NDST3: variants seen among roughly 807,000 people sequenced by gnomAD.
NDST3 encodes the protein N-deacetylase and N-sulfotransferase 3.
A neutral mutation model predicts 96.1 loss-of-function variants in NDST3; 58 were observed. The observed-to-expected ratio is 0.60, with a 90% CI of 0.49 to 0.75. The LOEUF (loss-of-function observed/expected upper bound fraction) is 0.75, where lower values mean the gene tolerates loss of function less well. NDST3 is among the 30% of genes least tolerant of loss of function. The pLI is 0.00. For synonymous variants in NDST3, 333 were observed against 359.7 expected, an observed-to-expected ratio of 0.93 and a Z score of 0.84; for missense variants, 788 against 1,034.2, an observed-to-expected ratio of 0.76 and a Z score of 3.27.
chr4:118,074,290 C>T (rs1471516102), intron 2 of NDST3, among the ~76,000 whole-genome samples: 1 of 151,984 alleles, frequency 6.6e-6, no homozygotes, highest in African/African-American at 2.4e-5. Context: ...CTATTAGGTC[C>T]ATTTGGTCAA....
At position 118,188,382 on chromosome 4, in the gene NDST3, A is replaced by C. The variant is rs562923119; in HGVS notation, c.1540-36109A>C. Among the ~76,000 whole-genome samples, 4 of 150,830 alleles carry C rather than the reference A, an allele frequency of 2.7e-5. No individual in the cohort carries two copies. In the South Asian group the frequency reaches 8.3e-4, roughly 31 times the overall value. ...TTCCATGATGAATCATGGATTGTAC[A>C]GCTTTTAATAATGAAAACTTTAAAG... On this transcript the variant is annotated intron_variant, in intron 6 of 13. Transcript: ENST00000296499.
At chr4:118,081,060 T>C (rs759238027) in intron 2 of NDST3, among the ~76,000 whole-genome samples, 51 of 152,214 alleles carry the variant, frequency 3.4e-4, no homozygotes, top group Admixed American at 5.2e-4. Context: ...CAGAACAATT[T>C]ACTTACGCAT....
intron 4 of NDST3, among the ~76,000 whole-genome samples, chr4:118,129,457 C>G (rs183052125): frequency 6.6e-6 from 1 of 151,930 alleles, no homozygotes; most frequent in East Asian, 1.9e-4. Flanking sequence ...ACTGATCATT[C>G]AAGAGCATAT....
chr4:118,057,977 A>G (rs1441290994), intron 2 of NDST3, among the ~76,000 whole-genome samples: 3 of 152,110 alleles, frequency 2.0e-5, no homozygotes, highest in Non-Finnish European at 4.4e-5. Flanking sequence ...ACTAAATCAG[A>G]TAAGGAAGAA....
At chr4:118,058,879 G>A (rs371068785) in intron 2 of NDST3, among the ~76,000 whole-genome samples, 5 of 152,098 alleles carry the variant, frequency 3.3e-5, no homozygotes, top group South Asian at 4.2e-4. Context: ...TCTTTTAGGC[G>A]CATTAACTCA....
intron 3 of NDST3, among the ~76,000 whole-genome samples, chr4:118,111,535 ATTTTTTT>A (rs149834516): frequency 7.6e-6 from 1 of 132,436 alleles, no homozygotes; most frequent in Non-Finnish European, 1.6e-5. Context: ...TTTAATCATG[ATTTTTTT>A]TTTTTTTTTT....
At chr4:118,082,409 A>G (rs1728097269) in intron 2 of NDST3, among the ~76,000 whole-genome samples, 1 of 152,180 alleles carries the variant, frequency 6.6e-6, no homozygotes, top group Middle Eastern at 3.2e-3. Context: ...GAGTAGCAGC[A>G]TGTACTCCAA....
chr4:118,137,633 C>G (rs1733218798), intron 4 of NDST3, among the ~76,000 whole-genome samples: 1 of 152,156 alleles, frequency 6.6e-6, no homozygotes, highest in East Asian at 1.9e-4. Context: ...TTAACAGCAG[C>G]CTAATGAACT....
intron 6 of NDST3, among the ~76,000 whole-genome samples, chr4:118,166,734 T>A (rs1170046175): frequency 6.6e-6 from 1 of 152,018 alleles, no homozygotes; most frequent in East Asian, 1.9e-4. Context: ...GATGCAAGGA[T>A]GTTTCCACAT....
chr4:118,159,631 A>T (rs1271570765), intron 6 of NDST3, among the ~76,000 whole-genome samples: 1 of 152,248 alleles, frequency 6.6e-6, no homozygotes, highest in South Asian at 2.1e-4. Context: ...CCTGACGAGA[A>T]TTCAAAATAA....
intron 6 of NDST3, among the ~76,000 whole-genome samples, chr4:118,152,327 G>A (rs1734453112): frequency 6.6e-6 from 1 of 152,128 alleles, no homozygotes; most frequent in South Asian, 2.1e-4. Flanking sequence ...CTCAGGTAAT[G>A]GGACTCCAGA....
chr4:118,099,355 CTA>C lies in NDST3; in HGVS notation c.982-5662_982-5661del, dbSNP rs1399505671. On this transcript the variant is annotated intron_variant, in intron 2 of 13. Transcript: ENST00000296499. ...AATTTAACAAGAGCGAAGATAATCTCTAAGACTCCTCACTGTACTTAGCAAAT... is the reference window on the plus strand; with the variant it reads ...AATTTAACAAGAGCGAAGATAATCTCAGACTCCTCACTGTACTTAGCAAAT... Among the ~76,000 whole-genome samples, 7 of 152,210 alleles carry C rather than the reference CTA, an allele frequency of 4.6e-5. No individual in the cohort carries two copies. The South Asian group carries it at 1.5e-3, about 32-fold the overall frequency.
At chr4:118,230,575 A>C (rs78892756) in intron 8 of NDST3, among the ~76,000 whole-genome samples, 1 of 139,476 alleles carries the variant, frequency 7.2e-6, no homozygotes, top group African/African-American at 2.6e-5. Context: ...ACTCCGTTTC[A>C]AAAAAAAAAA....
At chr4:118,148,284 C>A (rs928173752) in intron 6 of NDST3, among the ~76,000 whole-genome samples, 5 of 152,044 alleles carry the variant, frequency 3.3e-5, no homozygotes, top group African/African-American at 1.2e-4. Context: ...GGCGACAGAG[C>A]GAGACTCTGT....
Position 118,242,043 on chromosome 4 carries a change from C to A in NDST3, c.2293C>A (p.Leu765Ile). The A allele has an allele frequency of 6.3e-7, 1 of 1,596,204 alleles. No homozygotes were observed. The highest frequency in any genetic ancestry group is 8.6e-7 in the Non-Finnish European group (1 of 1,167,846). Residue 765 changes from leucine (L) to isoleucine (I), a missense_variant, in exon 12 of 14, where the codon CTA becomes ATA. Coordinates refer to ENST00000296499, the MANE Select transcript of NDST3 (RefSeq NM_004784.3). ...ATTTTTTTATTTGATAATTTAGTTG[C>A]TAATTATTGATGGGCAACAACTAAG... Reference protein sequence around the residue: ...WLVYFPPFQLLIIDGQQLRTD... With the variant: ...WLVYFPPFQLIIIDGQQLRTD...
At chr4:118,076,142 G>T (rs1015700457) in intron 2 of NDST3, among the ~76,000 whole-genome samples, 1 of 152,106 alleles carries the variant, frequency 6.6e-6, no homozygotes, top group African/African-American at 2.4e-5. Flanking sequence ...TTTCTGGCTT[G>T]GAGGGTTTCT....
chr4:118,035,952 T>C (rs192517254), intron 1 of NDST3, among the ~76,000 whole-genome samples: 228 of 152,188 alleles, frequency 1.5e-3, no homozygotes, highest in African/African-American at 5.4e-3. Flanking sequence ...TGGAGTTATA[T>C]ATACCCTCTT....
chr4:118,218,541 C>A (rs1275618147), intron 6 of NDST3, among the ~76,000 whole-genome samples: 3 of 151,928 alleles, frequency 2.0e-5, no homozygotes, highest in Admixed American at 2.0e-4. Flanking sequence ...TGGACTATAC[C>A]TCAAAATAAT....
At chr4:118,126,487 G>C (rs1314008571) in intron 4 of NDST3, among the ~76,000 whole-genome samples, 1 of 148,672 alleles carries the variant, frequency 6.7e-6, no homozygotes, top group Non-Finnish European at 1.5e-5. Flanking sequence ...ACACCACTGT[G>C]TACTATTATA....
Sources: allele counts gnomAD v4.1 joint callset (sites outside exome capture counted in the v4.1 genomes callset), GRCh38; gene constraint gnomAD v4.1.1; transcripts MANE v1.5; gene names NCBI Gene and HGNC (gene_info 2026-07-23, HGNC 2026-07-21).